FER1L6: variants seen among roughly 807,000 people sequenced by gnomAD.
The protein encoded by FER1L6 is fer-1-like protein 6.
A neutral mutation model predicts 219.2 loss-of-function variants in FER1L6; 177 were observed. The ratio of observed to expected loss-of-function variants is 0.81; its 90% CI spans 0.71 to 0.91. FER1L6 has a LOEUF of 0.91. Among genes scored for constraint, FER1L6 ranks in the 40% least tolerant of loss-of-function variants. The pLI is 0.00. For synonymous variants in FER1L6, 768 were observed against 824.3 expected (o/e 0.93, Z 1.17); for missense variants, 2,153 against 2,259.9 (o/e 0.95, Z 0.96).
intron 24 of FER1L6, among the ~76,000 whole-genome samples, chr8:124,061,596 T>C (rs371742139): frequency 1.3e-5 from 2 of 152,214 alleles, no homozygotes; most frequent in African/African-American, 4.8e-5. Context: ...TGAAAATGAC[T>C]GTCAGAGAGA....
Position 123,977,537 on chromosome 8 carries a change from A to C in FER1L6, c.991A>C (p.Met331Leu). Residue 331 changes from methionine to leucine, a missense_variant, in exon 10 of 41, where the codon ATG (methionine) becomes CTG (leucine). Met to Leu is a conservative substitution (Grantham distance 15). Coordinates refer to ENST00000522917, the MANE Select transcript of FER1L6 (RefSeq NM_001039112.2). ...VKIQVWDEGS[M>L]NDVALATHFI... The stretch of plus-strand genomic sequence containing the variant: ...AATCCAGGTGTGGGATGAAGGCAGC[A>C]TGAATGACGTAGCCCTGGCAACCCA... The C allele has an allele frequency of 6.2e-7, 1 of 1,614,158 alleles. No homozygotes were observed. Among genetic ancestry groups the C allele is most frequent in the Non-Finnish European group, 8.5e-7 (1 of 1,180,014 alleles).
At chr8:124,070,718 C>T in intron 30 of FER1L6, 120 bp downstream of exon 30, 4 of 857,062 alleles carry the variant, frequency 4.7e-6, no homozygotes, top group Non-Finnish European at 6.8e-6. Context: ...TTAATTTTTA[C>T]TCAAGTCCCT....
At chr8:123,948,948 A>G (rs1019706817) in intron 1 of FER1L6, among the ~76,000 whole-genome samples, 2 of 152,308 alleles carry the variant, frequency 1.3e-5, no homozygotes, top group South Asian at 4.1e-4. Context: ...AGTAGGTTTC[A>G]GGAGGGAGAG....
At chr8:123,874,058 C>A (rs1269088341) in intron 1 of FER1L6, among the ~76,000 whole-genome samples, 1 of 152,180 alleles carries the variant, frequency 6.6e-6, no homozygotes, top group Non-Finnish European at 1.5e-5. Flanking sequence ...AGTGTATTCA[C>A]CTGGCCAAAT....
rs1179596812 is a variant in FER1L6 at position 124,111,035 on chromosome 8, T to TA, written c.5289+7727dup. ...TATAGGGTGCTATTCTCTCGATGTT[T>TA]ACATTTGAAGGAGATGGTTCTCAGA... On this transcript the variant is annotated intron_variant, in intron 39 of 40. Coordinates refer to ENST00000522917, the MANE Select transcript of FER1L6 (RefSeq NM_001039112.2). The surrounding 1 kb of genome is among the most constrained non-coding windows in gnomAD (Gnocchi z 5.0). 6.6e-6 allele frequency among the ~76,000 whole-genome samples: 1 copy of TA among 152,142 alleles called. No homozygotes were observed. Among genetic ancestry groups the TA allele is most frequent in the African/African-American group, 2.4e-5 (1 of 41,438 alleles).
In FER1L6 at chr8:123,980,473, C is replaced by T; in HGVS notation, c.1072C>T (p.Pro358Ser). 1 of 1,607,276 alleles carries T rather than the reference C, an allele frequency of 6.2e-7. No individual in the cohort carries two copies. Among genetic ancestry groups the T allele is most frequent in the Non-Finnish European group, 8.5e-7 (1 of 1,176,734 alleles). Residue 358 changes from proline to serine, a missense_variant, in exon 11 of 41, where the codon CCC becomes TCC. Pro to Ser is a moderately conservative substitution (Grantham distance 74). Transcript: ENST00000522917. ...ACCTGGGGTCTCTCTAGGCTTTCTG[C>T]CCACCTTTGGGCCTGCCTGGATTAA... is the stretch of plus-strand genomic sequence containing the variant. ...NEQDGDKGFLPTFGPAWINLY... is the reference protein window; with the variant it reads ...NEQDGDKGFLSTFGPAWINLY...
At chr8:124,053,890 T>C (rs1820159489) in intron 22 of FER1L6, among the ~76,000 whole-genome samples, 1 of 152,160 alleles carries the variant, frequency 6.6e-6, no homozygotes, top group Non-Finnish European at 1.5e-5. Context: ...AATACCTTTG[T>C]TCTCCTATGC....
chr8:123,892,440 C>T (rs1340174443), intron 1 of FER1L6, among the ~76,000 whole-genome samples: 5 of 151,940 alleles, frequency 3.3e-5, no homozygotes, highest in South Asian at 2.1e-4. Context: ...TACAGGTGCC[C>T]GCCACCATGC....
intron 25 of FER1L6, among the ~76,000 whole-genome samples, chr8:124,062,539 T>C (rs966632305): frequency 6.6e-6 from 1 of 152,282 alleles, no homozygotes; most frequent in African/African-American, 2.4e-5. Context: ...TATGATGCTA[T>C]AATTTTCATT....
At chr8:124,047,506 T>C (rs1019729511) in intron 21 of FER1L6, 1 of 152,228 alleles carries the variant, frequency 6.6e-6, no homozygotes, top group Admixed American at 6.5e-5. Context: ...AAAAAGGATA[T>C]TAAAATATTT....
At chr8:124,094,025 C>A (rs1385361788) in intron 34 of FER1L6, among the ~76,000 whole-genome samples, 1 of 152,100 alleles carries the variant, frequency 6.6e-6, no homozygotes, top group Non-Finnish European at 1.5e-5. Flanking sequence ...TTGCGCGTAT[C>A]ATTTCCACCT....
intron 1 of FER1L6, chr8:123,924,693 T>A (rs1457104441): frequency 6.6e-6 from 1 of 152,216 alleles, no homozygotes; most frequent in African/African-American, 2.4e-5. Context: ...TTCTCTGCTA[T>A]GCATTTAGAA....
At chr8:124,044,910 A>C (rs1196809193) in intron 20 of FER1L6, among the ~76,000 whole-genome samples, 1 of 152,238 alleles carries the variant, frequency 6.6e-6, no homozygotes, top group Non-Finnish European at 1.5e-5. Flanking sequence ...ACTTCTAGGC[A>C]AGATGCTCAT....
chr8:123,923,941 G>GAAAA (rs60137127), intron 1 of FER1L6, among the ~76,000 whole-genome samples: 1 of 94,776 alleles, frequency 1.1e-5, no homozygotes, highest in Non-Finnish European at 2.2e-5. Flanking sequence ...CTCCAACTAA[G>GAAAA]AAAAAAAAAA....
At chr8:123,903,250 A>G (rs1438917344) in intron 1 of FER1L6, among the ~76,000 whole-genome samples, 1 of 152,214 alleles carries the variant, frequency 6.6e-6, no homozygotes, top group African/African-American at 2.4e-5. Context: ...TCATTCTAGT[A>G]TATCGACTTT....
chr8:124,074,152 T>C (rs1368451036), intron 31 of FER1L6, among the ~76,000 whole-genome samples: 2 of 152,218 alleles, frequency 1.3e-5, no homozygotes, highest in Non-Finnish European at 1.5e-5. Context: ...TAGAAAGTAT[T>C]TGCTTTTGAC....
At chr8:124,115,195 G>A (rs1428295396) in intron 39 of FER1L6, among the ~76,000 whole-genome samples, 1 of 150,178 alleles carries the variant, frequency 6.7e-6, no homozygotes, top group Non-Finnish European at 1.5e-5. Context: ...GATATCATTA[G>A]GCTACTAGAT....
chr8:124,045,918 G>A lies in FER1L6; in HGVS notation c.2724+17G>A, dbSNP rs112306290. Reference sequence around the variant, plus strand: ...GACGCTGTGGTGAGTGTCCCCCTGGGCCAGTGCTGACCACACCTCATAAAA... The same window carrying A: ...GACGCTGTGGTGAGTGTCCCCCTGGACCAGTGCTGACCACACCTCATAAAA... On this transcript the variant is annotated intron_variant, in intron 21 of 40. Transcript: ENST00000522917. The A allele has an allele frequency of 2.9e-3, 4,685 of 1,613,014 alleles. 13 individuals carry two copies. Among genetic ancestry groups the A allele is most frequent in the Non-Finnish European group, 3.1e-3 (3,620 of 1,179,834 alleles).
intron 38 of FER1L6, among the ~76,000 whole-genome samples, chr8:124,102,689 G>A (rs1386063542): frequency 6.6e-6 from 1 of 152,198 alleles, no homozygotes; most frequent in Non-Finnish European, 1.5e-5. Flanking sequence ...GTCCTGGAGA[G>A]TAGATACAAA....
Sources: gnomAD v4.1 joint callset for allele counts (sites outside exome capture counted in the v4.1 genomes callset) on GRCh38, gnomAD v4.1.1 for gene constraint, Gnocchi (gnomAD v3.1) non-coding constraint, MANE v1.5 for transcripts, NCBI Gene and HGNC (gene_info 2026-07-23, HGNC 2026-07-21) for gene names.